ROBO2: variants seen among roughly 807,000 people sequenced by gnomAD.
ROBO2 encodes roundabout homolog 2.
ROBO2 carries 53 observed loss-of-function variants against 160.8 expected under a neutral mutation model. The observed-to-expected ratio is 0.33, with a 90% confidence interval of 0.26 to 0.41. The LOEUF is 0.41. ROBO2 is among the 10% of genes least tolerant of loss of function. The pLI is 1.00. For missense variants in ROBO2, 1,577 were observed against 1,722.4 expected (o/e 0.92, Z 1.49); for synonymous variants, 664 against 611.7 (o/e 1.09, Z -1.26).
chr3:76,008,902 G>C (rs1576461765), intron 2 of ROBO2, among the ~76,000 whole-genome samples: 1 of 152,124 alleles, frequency 6.6e-6, no homozygotes, highest in Non-Finnish European at 1.5e-5. Context: ...GTATATTTAT[G>C]CTTAGGTTGG....
intron 2 of ROBO2, among the ~76,000 whole-genome samples, chr3:76,068,140 A>G (rs2068321288): frequency 6.6e-6 from 1 of 152,178 alleles, no homozygotes; most frequent in Non-Finnish European, 1.5e-5. Flanking sequence ...AAGACAAGCC[A>G]TGCAGGATAG....
intron 2 of ROBO2, among the ~76,000 whole-genome samples, chr3:76,536,445 T>C (rs1303848532): frequency 6.6e-6 from 1 of 152,110 alleles, no homozygotes. Flanking sequence ...TGTCTAAGGG[T>C]AGCCACCAAG....
chr3:76,290,365 T>C (rs1327394502), intron 2 of ROBO2, among the ~76,000 whole-genome samples: 1 of 152,176 alleles, frequency 6.6e-6, no homozygotes, highest in African/African-American at 2.4e-5. Context: ...TGTACATTGA[T>C]TTTGTATCCT....
At chr3:77,264,384 C>G (rs1403549179) in intron 2 of ROBO2, among the ~76,000 whole-genome samples, 1 of 152,134 alleles carries the variant, frequency 6.6e-6, no homozygotes, top group Non-Finnish European at 1.5e-5. Flanking sequence ...TGATTTCACA[C>G]CACACTGGTT....
At chr3:77,189,059 A>G (rs1436989584) in intron 2 of ROBO2, among the ~76,000 whole-genome samples, 2 of 151,492 alleles carry the variant, frequency 1.3e-5, no homozygotes, top group Non-Finnish European at 3.0e-5. Flanking sequence ...TACGTGTTTA[A>G]GTAGACATAC....
intron 2 of ROBO2, among the ~76,000 whole-genome samples, chr3:76,907,823 G>GGGGTGTGTGT (rs112697690): frequency 3.0e-4 from 44 of 145,526 alleles, no homozygotes; most frequent in Non-Finnish European, 4.7e-4. Flanking sequence ...GTTTGTTTGG[G>GGGGTGTGTGT]GTGTGTGTGT....
At chr3:76,872,797 A>G (rs1327258791) in intron 2 of ROBO2, among the ~76,000 whole-genome samples, 3 of 151,976 alleles carry the variant, frequency 2.0e-5, no homozygotes, top group African/African-American at 7.2e-5. Flanking sequence ...AAGACTTTAT[A>G]CACCCTTTCT....
At chr3:77,165,131 C>G (rs60725245) in intron 2 of ROBO2, among the ~76,000 whole-genome samples, 3 of 150,482 alleles carry the variant, frequency 2.0e-5, no homozygotes, top group Non-Finnish European at 4.5e-5. Flanking sequence ...GGGGGAAAGG[C>G]GGGGAAAAGA....
intron 2 of ROBO2, among the ~76,000 whole-genome samples, chr3:76,335,759 G>A (rs1231579640): frequency 6.6e-6 from 1 of 151,822 alleles, no homozygotes; most frequent in Non-Finnish European, 1.5e-5. Flanking sequence ...TGTATTTTTA[G>A]TAGAGACAGG....
At chr3:76,725,918 C>G (rs1015712284) in intron 2 of ROBO2, among the ~76,000 whole-genome samples, 3 of 152,130 alleles carry the variant, frequency 2.0e-5, no homozygotes, top group Middle Eastern at 6.3e-3. Context: ...GTCTAACATC[C>G]TTTAACTAAG....
At chr3:76,156,430 A>T (rs902509697) in intron 2 of ROBO2, among the ~76,000 whole-genome samples, 8 of 152,214 alleles carry the variant, frequency 5.3e-5, no homozygotes, top group Non-Finnish European at 8.8e-5. Flanking sequence ...TGGACTCCTC[A>T]TTACACAGGT....
intron 2 of ROBO2, among the ~76,000 whole-genome samples, chr3:76,128,116 G>A (rs1380888231): frequency 6.6e-6 from 1 of 151,848 alleles, no homozygotes; most frequent in Non-Finnish European, 1.5e-5. Context: ...ATCTGGTCTT[G>A]AACTCCTGAC....
intron 2 of ROBO2, among the ~76,000 whole-genome samples, chr3:77,453,127 T>C (rs1013654112): frequency 2.0e-5 from 3 of 152,164 alleles, no homozygotes; most frequent in African/African-American, 7.2e-5. Flanking sequence ...ATTTTCTTAT[T>C]TATCTAAACC....
At position 77,646,955 on chromosome 3, in the gene ROBO2, G is replaced by A. The variant is rs893294588; in HGVS notation, c.*900G>A. Reference sequence around the variant, plus strand: ...TTGCAAGAGCTGTATTTATATTACAGTTTTTTAAAAACATTTTCTGAATTA... The same window carrying A: ...TTGCAAGAGCTGTATTTATATTACAATTTTTTAAAAACATTTTCTGAATTA... On this transcript the variant is annotated 3_prime_UTR_variant, in exon 26 of 26. Coordinates refer to ENST00000461745, the Ensembl canonical transcript of ROBO2. The A allele has an allele frequency of 2.6e-5, 4 of 152,482 alleles. No individual in the cohort carries two copies. The East Asian group carries it at 7.7e-4, about 29-fold the overall frequency. The allele number at this position is 152,482 out of a possible 1,614,324, so 9.4% of individuals were successfully genotyped here.
chr3:76,945,608 G>A lies in ROBO2; in HGVS notation c.110-152406G>A, dbSNP rs376247700. Among the ~76,000 whole-genome samples, 60 of 152,222 alleles carry A rather than the reference G, an allele frequency of 3.9e-4. 1 individual carries two copies. Among genetic ancestry groups the A allele is most frequent in the African/African-American group, 1.2e-3 (48 of 41,534 alleles). On this transcript the variant is annotated intron_variant, in intron 2 of 26. Coordinates refer to the ROBO2 transcript ENST00000487694. ...TCAGTCCATTTGAAGTCGTTTCACC[G>A]CTCACTGATACAATTAGTTGTTTAA...
intron 2 of ROBO2, among the ~76,000 whole-genome samples, chr3:76,635,607 T>C (rs2090287613): frequency 6.6e-6 from 1 of 152,230 alleles, no homozygotes; most frequent in Non-Finnish European, 1.5e-5. Flanking sequence ...TCATTACCTT[T>C]GAACTTCCCC....
rs143984790 is a variant in ROBO2 at position 76,252,993 on chromosome 3, C to T, written c.109+315391C>T. Among the ~76,000 whole-genome samples the T allele has an allele frequency of 4.3e-3, 653 of 151,836 alleles. 4 individuals are homozygous for T. The highest frequency in any genetic ancestry group is 0.015 in the African/African-American group (614 of 41,422). On this transcript the variant is annotated intron_variant, in intron 2 of 26. Coordinates refer to the ROBO2 transcript ENST00000487694. ...AAGGTTTTGAACTGATTTGACAAGG[C>T]CCCCCCACATTATCAAACATATTCT...
chr3:77,129,133 C>T (rs2075615059), intron 2 of ROBO2, among the ~76,000 whole-genome samples: 1 of 151,258 alleles, frequency 6.6e-6, no homozygotes, highest in African/African-American at 2.4e-5. Context: ...CTAATTATTT[C>T]TTTATTTTTA....
At position 76,266,506 on chromosome 3, in the gene ROBO2, C is replaced by T. The variant is rs113868156; in HGVS notation, c.109+328904C>T. On this transcript the variant is annotated intron_variant, in intron 2 of 26. Transcript: ENST00000487694. ...TAAATCAGAGAAGTTTTGTAACTTA[C>T]GTGTTCTCTCTCTGTATGCAACATT... Among the ~76,000 whole-genome samples, 336 of 152,170 alleles carry T rather than the reference C, an allele frequency of 2.2e-3. 2 individuals are homozygous for T. Among genetic ancestry groups the T allele is most frequent in the African/African-American group, 7.7e-3 (320 of 41,546 alleles).
Sources: allele counts gnomAD v4.1 joint callset (sites outside exome capture counted in the v4.1 genomes callset), GRCh38; gene constraint gnomAD v4.1.1; transcripts MANE v1.5; gene names NCBI Gene and HGNC (gene_info 2026-07-23, HGNC 2026-07-21).